SCN2A: variants seen among roughly 807,000 people sequenced by gnomAD.
SCN2A encodes the protein sodium channel protein type 2 subunit alpha.
A neutral mutation model predicts 188.7 loss-of-function variants in SCN2A; 20 were observed. The observed-to-expected ratio is 0.11, with a 90% CI of 0.07 to 0.15. The LOEUF (loss-of-function observed/expected upper bound fraction) is 0.15, where lower values mean the gene tolerates loss of function less well. Among genes scored for constraint, SCN2A ranks in the 10% least tolerant of loss-of-function variants. The probability of loss-of-function intolerance (pLI) is 1.00; values close to 1 mark genes in which losing one functional copy is unlikely to be tolerated. For missense variants in SCN2A, 1,278 were observed against 2,445.0 expected, an observed-to-expected ratio of 0.52 and a Z score of 10.07; for synonymous variants, 804 against 833.1, an observed-to-expected ratio of 0.97 and a Z score of 0.60.
At position 165,390,378 on chromosome 2, in the gene SCN2A, G is replaced by A. The variant is rs1455447798; in HGVS notation, c.*554G>A. The A allele has an allele frequency of 6.5e-6, 1 of 153,058 alleles. No individual in the cohort carries two copies. Among genetic ancestry groups the A allele is most frequent in the African/African-American group, 2.4e-5 (1 of 41,390 alleles). 9.5% of individuals were successfully genotyped at this position (153,058 alleles called of 1,614,324 possible). On this transcript the variant is annotated 3_prime_UTR_variant, in exon 27 of 27. Coordinates refer to ENST00000375437, the MANE Select transcript of SCN2A (RefSeq NM_001040142.2). ...TTGTATAACTGGATATATTTTAAAT[G>A]GAGGCATGCTGCAATTCTCATTCAC... is the stretch of plus-strand genomic sequence containing the variant.
chr2:165,333,021 T>A lies in SCN2A; in HGVS notation c.2388+1453T>A, dbSNP rs555024417. Among the ~76,000 whole-genome samples the A allele has an allele frequency of 1.7e-3, 254 of 152,074 alleles. 4 individuals carry two copies. The highest frequency in any genetic ancestry group is 3.5e-4 in the Non-Finnish European group (24 of 67,904). ...GTACAGAAAGTTTGTGCCTCCTAACTAGTAGCTTTAATTAAGGCCCACAAA... is the reference window on the plus strand; with the variant it reads ...GTACAGAAAGTTTGTGCCTCCTAACAAGTAGCTTTAATTAAGGCCCACAAA... On this transcript the variant is annotated intron_variant, in intron 14 of 26. Transcript: ENST00000375437.
intron 19 of SCN2A, among the ~76,000 whole-genome samples, chr2:165,368,679 A>G (rs1177919591): frequency 6.6e-6 from 1 of 152,222 alleles, no homozygotes; most frequent in African/African-American, 2.4e-5. Context: ...GATCAACTGG[A>G]TCAAAATATT....
chr2:165,270,152 T>C (rs1173177889), intron 1 of SCN2A: 1 of 152,080 alleles, frequency 6.6e-6, no homozygotes, highest in Non-Finnish European at 1.5e-5. Flanking sequence ...AGCCTTCTTA[T>C]TTCAAAAGTC....
chr2:165,291,467 TTTC>T (rs1696146910), intron 1 of SCN2A, among the ~76,000 whole-genome samples: 1 of 38,890 alleles, frequency 2.6e-5, no homozygotes, highest in East Asian at 6.0e-4. Flanking sequence ...TCTTTCTTTC[TTTC>T]TTTCTTTCTT....
chr2:165,305,913 G>A (rs1333094585), intron 3 of SCN2A, among the ~76,000 whole-genome samples: 5 of 152,120 alleles, frequency 3.3e-5, no homozygotes, highest in African/African-American at 7.2e-5. Context: ...CAAGGGAGAC[G>A]TAAGCAAGTT....
chr2:165,368,322 T>G (rs1700837940), intron 19 of SCN2A, among the ~76,000 whole-genome samples: 1 of 152,158 alleles, frequency 6.6e-6, no homozygotes. Flanking sequence ...AGTTCTGGGC[T>G]TTATATAGGC....
chr2:165,351,367 G>C (rs16850467), intron 16 of SCN2A, among the ~76,000 whole-genome samples: 31,490 of 152,050 alleles, frequency 0.21, 3,965 homozygotes, highest in East Asian at 0.34. Flanking sequence ...TTATTTTCCT[G>C]ACAGTGGAAT....
intron 16 of SCN2A, 62 bp downstream of exon 16, chr2:165,344,973 G>A (rs1303349533): frequency 6.3e-7 from 1 of 1,599,198 alleles, no homozygotes; most frequent in African/African-American, 1.3e-5. Context: ...TAAAAAGTGT[G>A]TTCAACTGAA....
At chr2:165,323,077 T>C (rs1698156106) in intron 11 of SCN2A, 79 bp from the exon 12 acceptor site, 1 of 1,316,034 alleles carries the variant, frequency 7.6e-7, no homozygotes, top group South Asian at 1.3e-5. Flanking sequence ...TATGACACAA[T>C]GAATCAAATT....
chr2:165,281,195 A>G (rs1231392977), intron 1 of SCN2A, among the ~76,000 whole-genome samples: 1 of 152,184 alleles, frequency 6.6e-6, no homozygotes, highest in Admixed American at 6.5e-5. Context: ...AGTCTGGGCA[A>G]CAGAGCAAGA....
intron 1 of SCN2A, among the ~76,000 whole-genome samples, chr2:165,257,391 G>T (rs1694374111): frequency 1.3e-5 from 2 of 152,114 alleles, no homozygotes; most frequent in Non-Finnish European, 2.9e-5. Flanking sequence ...ATCACAAAGT[G>T]AATCACATGA....
At chr2:165,304,104 G>A (rs1559348776) in intron 3 of SCN2A, among the ~76,000 whole-genome samples, 2 of 152,020 alleles carry the variant, frequency 1.3e-5, no homozygotes, top group East Asian at 3.9e-4. Context: ...TAAACAATAT[G>A]TATATATATT....
At chr2:165,263,941 G>A (rs2106091754) in intron 1 of SCN2A, among the ~76,000 whole-genome samples, 1 of 151,350 alleles carries the variant, frequency 6.6e-6, no homozygotes, top group Non-Finnish European at 1.5e-5. Context: ...TTGATTCTCA[G>A]CTTGGCCACT....
At chr2:165,270,016 A>T (rs537210076) in intron 1 of SCN2A, 5 of 151,946 alleles carry the variant, frequency 3.3e-5, no homozygotes, top group Admixed American at 2.0e-4. Flanking sequence ...TGCTGTGGTG[A>T]ATTTAATCTC....
chr2:165,359,488 A>G (rs1700346408), intron 17 of SCN2A, among the ~76,000 whole-genome samples: 1 of 152,144 alleles, frequency 6.6e-6, no homozygotes, highest in Admixed American at 6.6e-5. Context: ...CTAAGAAGGA[A>G]CTGGTTCGTT....
intron 18 of SCN2A, among the ~76,000 whole-genome samples, chr2:165,366,334 T>C (rs1700725282): frequency 6.6e-6 from 1 of 152,198 alleles, no homozygotes; most frequent in South Asian, 2.1e-4. Context: ...ACTCAATAAG[T>C]ATTTGTTGAA....
At chr2:165,291,495 C>CTTTCTT (rs1559340349) in intron 1 of SCN2A, among the ~76,000 whole-genome samples, 6 of 44,312 alleles carry the variant, frequency 1.4e-4, no homozygotes, top group Admixed American at 3.0e-4. Context: ...TCTTTCTTTT[C>CTTTCTT]TTTCTTTCTT....
At chr2:165,264,979 T>C (rs1559324471) in intron 1 of SCN2A, among the ~76,000 whole-genome samples, 9 of 152,162 alleles carry the variant, frequency 5.9e-5, no homozygotes. Context: ...CCTTTGGGTA[T>C]ATACCTGGTA....
At chr2:165,277,798 T>G (rs1695409834) in intron 1 of SCN2A, among the ~76,000 whole-genome samples, 1 of 152,242 alleles carries the variant, frequency 6.6e-6, no homozygotes, top group African/African-American at 2.4e-5. Context: ...CGACAGAGGC[T>G]ATTTCACCCC....
Sources: gnomAD v4.1 joint callset for allele counts (sites outside exome capture counted in the v4.1 genomes callset) on GRCh38, gnomAD v4.1.1 for gene constraint, MANE v1.5 for transcripts, NCBI Gene and HGNC (gene_info 2026-07-23, HGNC 2026-07-21) for gene names.